NTRK2: variants seen among roughly 807,000 people sequenced by gnomAD.
The protein encoded by NTRK2 is BDNF/NT-3 growth factors receptor.
NTRK2 carries 13 observed loss-of-function variants against 94.5 expected under a neutral mutation model. The observed-to-expected ratio is 0.14, with a 90% confidence interval of 0.09 to 0.22. The LOEUF is 0.22. NTRK2 is among the 10% of genes least tolerant of loss of function. The probability of loss-of-function intolerance (pLI) is 1.00; values close to 1 mark genes in which losing one functional copy is unlikely to be tolerated. For synonymous variants in NTRK2, 372 were observed against 407.4 expected, an observed-to-expected ratio of 0.91 and a Z score of 1.05; for missense variants, 639 against 1,071.2, an observed-to-expected ratio of 0.60 and a Z score of 5.63.
intron 10 of NTRK2, among the ~76,000 whole-genome samples, chr9:84,743,401 A>T (rs2063811052): frequency 6.6e-6 from 1 of 152,000 alleles, no homozygotes; most frequent in African/African-American, 2.4e-5. Flanking sequence ...TGTTTATTAT[A>T]TGCGTGTGTA....
chr9:84,881,539 C>T (rs934399741), intron 14 of NTRK2, among the ~76,000 whole-genome samples: 1 of 152,142 alleles, frequency 6.6e-6, no homozygotes. Flanking sequence ...GTGCCCAAGA[C>T]ATTGTAGGTT....
chr9:84,733,477 T>C (rs1191742574), intron 9 of NTRK2, among the ~76,000 whole-genome samples: 1 of 152,226 alleles, frequency 6.6e-6, no homozygotes, highest in Non-Finnish European at 1.5e-5. Flanking sequence ...GGTCCTGGGC[T>C]ACCCCTTGCA....
intron 12 of NTRK2, among the ~76,000 whole-genome samples, chr9:84,769,158 C>T (rs973941235): frequency 9.2e-5 from 14 of 151,976 alleles, no homozygotes; most frequent in African/African-American, 1.9e-4. Context: ...GATGTGTTGA[C>T]GTAATTGCCT....
chr9:84,720,862 TA>T (rs1028353712), intron 6 of NTRK2, among the ~76,000 whole-genome samples: 1 of 152,060 alleles, frequency 6.6e-6, no homozygotes, highest in South Asian at 2.1e-4. Context: ...TGAACAACCT[TA>T]AAAGGGGGCT....
chr9:84,853,451 G>C (rs2074885916), intron 12 of NTRK2, among the ~76,000 whole-genome samples: 1 of 152,176 alleles, frequency 6.6e-6, no homozygotes, highest in Non-Finnish European at 1.5e-5. Flanking sequence ...ACTGTCTTCA[G>C]TCATGTTCCA....
intron 15 of NTRK2, among the ~76,000 whole-genome samples, chr9:84,935,512 C>A (rs189174325): frequency 2.0e-5 from 3 of 152,280 alleles, no homozygotes; most frequent in Admixed American, 6.5e-5. Flanking sequence ...AGAGAAGACT[C>A]CTAAACTCTG....
At chr9:84,940,586 C>T (rs1269635431) in intron 15 of NTRK2, among the ~76,000 whole-genome samples, 3 of 152,174 alleles carry the variant, frequency 2.0e-5, no homozygotes, top group Non-Finnish European at 2.9e-5. Flanking sequence ...GGACACCTAC[C>T]TTCCATCCAG....
At chr9:84,702,821 AC>A (rs1390228164) in intron 4 of NTRK2, among the ~76,000 whole-genome samples, 1 of 152,204 alleles carries the variant, frequency 6.6e-6, no homozygotes, top group African/African-American at 2.4e-5. Flanking sequence ...AATAAAAATT[AC>A]TGGTGCTTTT....
chr9:84,675,438 A>G (rs2058992833), intron 2 of NTRK2, among the ~76,000 whole-genome samples: 1 of 147,020 alleles, frequency 6.8e-6, no homozygotes, highest in South Asian at 2.1e-4. Context: ...ACCATTATTG[A>G]ATACCATAAA....
intron 17 of NTRK2, among the ~76,000 whole-genome samples, chr9:85,006,770 A>G (rs949540424): frequency 2.6e-5 from 4 of 152,114 alleles, no homozygotes; most frequent in Non-Finnish European, 5.9e-5. Flanking sequence ...TGCACAACAT[A>G]TGTCTGTTTT....
chr9:84,950,855 A>G (rs1294582593), intron 16 of NTRK2, among the ~76,000 whole-genome samples: 1 of 152,044 alleles, frequency 6.6e-6, no homozygotes, highest in African/African-American at 2.4e-5. Flanking sequence ...TTTCCTCTTC[A>G]TTTTGGTTGA....
At chr9:84,770,380 G>A (rs1239543470) in intron 12 of NTRK2, among the ~76,000 whole-genome samples, 1 of 152,160 alleles carries the variant, frequency 6.6e-6, no homozygotes, top group Non-Finnish European at 1.5e-5. Context: ...ACACACCACA[G>A]CTCTCTGTAG....
At chr9:84,869,660 G>A (rs1350012085) in intron 14 of NTRK2, among the ~76,000 whole-genome samples, 1 of 152,082 alleles carries the variant, frequency 6.6e-6, no homozygotes, top group Non-Finnish European at 1.5e-5. Context: ...AGGTTAGACT[G>A]TAAGCTCTTG....
chr9:84,712,593 A>C (rs910790108), intron 6 of NTRK2, among the ~76,000 whole-genome samples: 2 of 152,044 alleles, frequency 1.3e-5, no homozygotes, highest in African/African-American at 4.8e-5. Context: ...GAATCGACAG[A>C]CTTATTTTTC....
At chr9:84,691,914 C>A (rs969823992) in intron 2 of NTRK2, among the ~76,000 whole-genome samples, 1 of 152,156 alleles carries the variant, frequency 6.6e-6, no homozygotes, top group African/African-American at 2.4e-5. Context: ...GAATTAGCTG[C>A]AGAGGGCACC....
chr9:84,766,710 A>G (rs558313664), intron 12 of NTRK2, among the ~76,000 whole-genome samples: 1 of 151,936 alleles, frequency 6.6e-6, no homozygotes, highest in Admixed American at 6.6e-5. Flanking sequence ...TACACACAAC[A>G]TACACACATT....
At chr9:84,715,023 C>T (rs1353312146) in intron 6 of NTRK2, among the ~76,000 whole-genome samples, 1 of 152,108 alleles carries the variant, frequency 6.6e-6, no homozygotes, top group Non-Finnish European at 1.5e-5. Flanking sequence ...AAAAGTTTCC[C>T]TTGTTAGTAT....
intron 12 of NTRK2, chr9:84,811,681 C>T (rs1014263449): frequency 1.9e-6 from 2 of 1,065,600 alleles, no homozygotes; most frequent in African/African-American, 1.6e-5. Flanking sequence ...GAAAGCTTGT[C>T]CTGACCCCAG....
intron 6 of NTRK2, among the ~76,000 whole-genome samples, chr9:84,713,384 C>A (rs2061528808): frequency 6.6e-6 from 1 of 152,068 alleles, no homozygotes; most frequent in South Asian, 2.1e-4. Flanking sequence ...AGATAACCAC[C>A]AATAAGGCAG....
Sources: allele counts gnomAD v4.1 joint callset (sites outside exome capture counted in the v4.1 genomes callset), GRCh38; gene constraint gnomAD v4.1.1; transcripts MANE v1.5; gene names NCBI Gene and HGNC (gene_info 2026-07-23, HGNC 2026-07-21).